The following HYDIN variants were observed in gnomAD, a reference collection of about 807,000 sequenced individuals.
The protein encoded by HYDIN is HYDIN axonemal central pair apparatus protein.
Under a neutral mutation model 403.9 loss-of-function variants are expected in HYDIN, and 132 were observed. That is an observed-to-expected ratio of 0.33 (90% CI 0.28 to 0.38). The LOEUF is 0.38. Ranked by LOEUF, HYDIN falls within the 10% of genes least tolerant of loss-of-function variation. The pLI is 1.00. For synonymous variants in HYDIN, 1,202 were observed against 1,891.7 expected (o/e 0.64, Z 9.46); for missense variants, 2,827 against 5,009.5 (o/e 0.56, Z 13.15).
At chr16:71,168,877 A>C (rs540165544) in intron 5 of HYDIN, among the ~76,000 whole-genome samples, 1 of 152,318 alleles carries the variant, frequency 6.6e-6, no homozygotes, top group East Asian at 1.9e-4. Context: ...TCCAATCAAA[A>C]TTTGTGGTTC....
chr16:71,180,343 TA>T (rs1567416897), intron 3 of HYDIN, among the ~76,000 whole-genome samples: 1 of 152,056 alleles, frequency 6.6e-6, no homozygotes, highest in African/African-American at 2.4e-5. Context: ...TGAATAGTTC[TA>T]AAACTGTTAC....
At chr16:70,843,887 GTTGT>G (rs1368946113) in intron 75 of HYDIN, among the ~76,000 whole-genome samples, 9 of 127,056 alleles carry the variant, frequency 7.1e-5, no homozygotes, top group Non-Finnish European at 1.1e-4. Context: ...TTTTGATGGG[GTTGT>G]TTGTTTTTTT....
chr16:70,998,900 T>C (rs1353388953), intron 23 of HYDIN, among the ~76,000 whole-genome samples: 1 of 152,108 alleles, frequency 6.6e-6, no homozygotes, highest in African/African-American at 2.4e-5. Flanking sequence ...CCCAGTGCCT[T>C]CTCTAGCAGC....
At chr16:70,966,106 C>T (rs1460070845) in intron 36 of HYDIN, among the ~76,000 whole-genome samples, 4 of 151,968 alleles carry the variant, frequency 2.6e-5, no homozygotes, top group Admixed American at 6.6e-5. Flanking sequence ...GCCAACCCAG[C>T]CCCAGAGCTT....
chr16:71,159,765 G>A (rs930638073), intron 6 of HYDIN, among the ~76,000 whole-genome samples: 7 of 151,450 alleles, frequency 4.6e-5, no homozygotes, highest in Admixed American at 1.3e-4. Flanking sequence ...CATATTTAAA[G>A]TACTGAGGAA....
At chr16:70,979,790 G>A (rs555395765) in intron 29 of HYDIN, among the ~76,000 whole-genome samples, 1 of 152,200 alleles carries the variant, frequency 6.6e-6, no homozygotes, top group African/African-American at 2.4e-5. Context: ...TGGGCATGGT[G>A]GTGTGTGGCT....
At chr16:71,222,296 T>C (rs72795728) in intron 1 of HYDIN, among the ~76,000 whole-genome samples, 5,504 of 152,158 alleles carry the variant, frequency 0.036, 147 homozygotes, top group Non-Finnish European at 0.057. Context: ...CCCTTTATGG[T>C]AAAAACCCTC....
At chr16:71,205,986 C>T (rs924992858) in intron 1 of HYDIN, among the ~76,000 whole-genome samples, 1 of 152,184 alleles carries the variant, frequency 6.6e-6, no homozygotes, top group Non-Finnish European at 1.5e-5. Flanking sequence ...GAGCTTCTAG[C>T]CCTGCAGCCC....
Position 70,802,871 on chromosome 16 carries a change from T to C in HYDIN, c.*4709A>G, listed in dbSNP as rs541276984. ...TAAAACCTTTGCTGACACAATCCTA[T>C]GAATGAAGGTAGGTGCGCTAACAAG... is the stretch of plus-strand genomic sequence containing the variant. On this transcript the variant is annotated 3_prime_UTR_variant, in exon 86 of 86. Transcript: ENST00000393567. The C allele has an allele frequency of 1.8e-4, 27 of 152,292 alleles. No individual in the cohort carries two copies. The East Asian group carries it at 4.4e-3, about 25-fold the overall frequency. 9.4% of individuals were successfully genotyped at this position (152,292 alleles called of 1,614,324 possible). A position where few individuals can be genotyped will look rare whatever the true frequency, so the allele number is the denominator to read the frequency against.
intron 11 of HYDIN, among the ~76,000 whole-genome samples, chr16:71,090,674 G>GA (rs1275587644): frequency 2.7e-5 from 3 of 109,404 alleles, no homozygotes; most frequent in African/African-American, 1.6e-4. Context: ...TAATTTTTGT[G>GA]GGTTTTTTTT....
intron 47 of HYDIN, among the ~76,000 whole-genome samples, chr16:70,914,391 T>A (rs1323665741): frequency 6.6e-6 from 1 of 152,018 alleles, no homozygotes; most frequent in African/African-American, 2.4e-5. Context: ...TTCCTTCATA[T>A]ACGATGCTTA....
At chr16:70,969,646 A>G (rs1422381408) in intron 36 of HYDIN, among the ~76,000 whole-genome samples, 2 of 152,212 alleles carry the variant, frequency 1.3e-5, no homozygotes, top group African/African-American at 4.8e-5. Flanking sequence ...CTCTAAACAG[A>G]AAGTTAATAA....
intron 12 of HYDIN, among the ~76,000 whole-genome samples, chr16:71,082,903 G>A (rs1364549717): frequency 6.6e-6 from 1 of 150,664 alleles, no homozygotes; most frequent in Non-Finnish European, 1.5e-5. Flanking sequence ...ACAAATCAAT[G>A]TTTTTTGTAT....
intron 50 of HYDIN, among the ~76,000 whole-genome samples, chr16:70,905,295 T>C (rs2143768233): frequency 6.6e-6 from 1 of 151,702 alleles, no homozygotes; most frequent in African/African-American, 2.4e-5. Flanking sequence ...CCTCACGAAT[T>C]TGTTGCTTTC....
intron 13 of HYDIN, among the ~76,000 whole-genome samples, chr16:71,071,874 A>G (rs1421704031): frequency 1.3e-5 from 2 of 152,350 alleles, no homozygotes; most frequent in Non-Finnish European, 2.9e-5. Context: ...GGATTCATGG[A>G]ATATTTTAGA....
intron 18 of HYDIN, among the ~76,000 whole-genome samples, chr16:71,048,815 C>T (rs535758161): frequency 7.9e-5 from 12 of 152,288 alleles, no homozygotes; most frequent in South Asian, 4.1e-4. Context: ...CAAATCCCCA[C>T]GACACATAAT....
chr16:70,859,232 C>T (rs535733572), intron 71 of HYDIN, among the ~76,000 whole-genome samples: 2 of 152,078 alleles, frequency 1.3e-5, no homozygotes, highest in South Asian at 2.1e-4. Context: ...ACCCAGGAGG[C>T]GGAGCATGTA....
At chr16:70,923,756 G>C (rs1015453704) in intron 45 of HYDIN, among the ~76,000 whole-genome samples, 1 of 148,976 alleles carries the variant, frequency 6.7e-6, no homozygotes, top group South Asian at 2.1e-4. Context: ...GGGAGGCAGA[G>C]CTTGCAGTGA....
At chr16:71,158,268 A>G (rs1400044142) in intron 6 of HYDIN, among the ~76,000 whole-genome samples, 1 of 152,238 alleles carries the variant, frequency 6.6e-6, no homozygotes, top group Non-Finnish European at 1.5e-5. Flanking sequence ...CTCCCTTCAC[A>G]GTAAAATGGC....
Sources: gnomAD v4.1 joint callset for allele counts (sites outside exome capture counted in the v4.1 genomes callset) on GRCh38, gnomAD v4.1.1 for gene constraint, MANE v1.5 for transcripts, NCBI Gene and HGNC (gene_info 2026-07-23, HGNC 2026-07-21) for gene names.